Variants in ENO4 observed in about 807,000 individuals in gnomAD.
ENO4 encodes the protein 2-phospho-D-glycerate hydro-lyase.
Under a neutral mutation model 63.2 loss-of-function variants are expected in ENO4, and 53 were observed. The observed-to-expected ratio is 0.84, with a 90% CI of 0.67 to 1.05. The LOEUF (loss-of-function observed/expected upper bound fraction) is 1.05, where lower values mean the gene tolerates loss of function less well. Among genes scored for constraint, ENO4 ranks in the 50% least tolerant of loss-of-function variants. The pLI, the probability that ENO4 is intolerant of heterozygous loss-of-function variation, is 0.00. For synonymous variants in ENO4, 266 were observed against 283.8 expected, an observed-to-expected ratio of 0.94 and a Z score of 0.63; for missense variants, 719 against 772.0, an observed-to-expected ratio of 0.93 and a Z score of 0.81.
At chr10:116,863,811 C>T (rs9421249) in intron 7 of ENO4, among the ~76,000 whole-genome samples, 47,865 of 152,102 alleles carry the variant, frequency 0.31, 8,010 homozygotes, top group African/African-American at 0.42. Flanking sequence ...AGAATTGCTT[C>T]AAGCAATTCC....
At chr10:116,880,691 CTA>C (rs1350341306) in intron 13 of ENO4, among the ~76,000 whole-genome samples, 2 of 152,120 alleles carry the variant, frequency 1.3e-5, no homozygotes, top group Non-Finnish European at 2.9e-5. Context: ...AATTGGGAGA[CTA>C]TTTCTGAGTC....
intron 11 of ENO4, among the ~76,000 whole-genome samples, chr10:116,876,966 T>TA (rs1285690223): frequency 6.6e-6 from 1 of 151,844 alleles, no homozygotes; most frequent in Non-Finnish European, 1.5e-5. Context: ...ATTAATTAAT[T>TA]AATTAATTAA....
At chr10:116,880,769 A>T (rs192797366) in intron 13 of ENO4, among the ~76,000 whole-genome samples, 2 of 152,296 alleles carry the variant, frequency 1.3e-5, no homozygotes, top group East Asian at 3.9e-4. Context: ...GTTTTTTCAA[A>T]TAGGTAAAAT....
chr10:116,871,362 AAAG>A (rs950698635), intron 9 of ENO4, 70 bp downstream of exon 9: 9 of 1,312,676 alleles, frequency 6.9e-6, no homozygotes, highest in Non-Finnish European at 9.3e-6. Flanking sequence ...CTCAGAAAAA[AAAG>A]AGCTTATCTG....
chr10:116,852,086 G>C (rs1846106499), intron 1 of ENO4, among the ~76,000 whole-genome samples: 2 of 152,096 alleles, frequency 1.3e-5, no homozygotes, highest in Admixed American at 1.3e-4. Flanking sequence ...CTGTTCTCGT[G>C]ATAGTGACTT....
Position 116,911,731 on chromosome 10 carries a change from T to C in ENO4, c.*159T>C, listed in dbSNP as rs916264746. 5.7e-6 allele frequency: 9 copies of C among 1,576,750 alleles called. No homozygotes were observed. The African/African-American group carries it at 1.1e-4, about 19-fold the overall frequency. On this transcript the variant is annotated 3_prime_UTR_variant, in exon 11 of 11. Coordinates refer to the ENO4 transcript ENST00000369207. ...CAAACAATTCACAAAAAACAGATTT[T>C]AAAATACTCTCCTTTCATTTCCCCA...
intron 10 of ENO4, among the ~76,000 whole-genome samples, chr10:116,904,437 C>CTTTTTT (rs779336840): frequency 6.9e-6 from 1 of 144,810 alleles, no homozygotes; most frequent in Non-Finnish European, 1.5e-5. Flanking sequence ...TGTTTCCTTC[C>CTTTTTT]TTTTTTTTTT....
In ENO4 at chr10:116,862,854, T is replaced by C. The variant is rs769185087; in HGVS notation, c.990+2T>C. 39 of 1,539,026 alleles carry C rather than the reference T, an allele frequency of 2.5e-5. No homozygotes were observed. Among genetic ancestry groups the C allele is most frequent in the Non-Finnish European group, 1.2e-5 (14 of 1,136,826 alleles). ...CATATCAACAAAATAATTGAAATGG[T>C]ATGTAAAGAGATTCTATGTTATCTA... On this transcript the variant is annotated splice_donor_variant, in intron 7 of 13. Coordinates refer to ENST00000341276, the MANE Select transcript of ENO4 (RefSeq NM_001242699.2). LOFTEE classifies it high-confidence loss of function.
chr10:116,889,534 A>G (rs2133300202), intron 10 of ENO4, among the ~76,000 whole-genome samples: 1 of 152,258 alleles, frequency 6.6e-6, no homozygotes, highest in East Asian at 1.9e-4. Flanking sequence ...GAAAGGGACT[A>G]GGGCAATCGT....
intron 7 of ENO4, among the ~76,000 whole-genome samples, chr10:116,866,980 T>C (rs528735136): frequency 2.0e-5 from 3 of 152,302 alleles, no homozygotes; most frequent in South Asian, 4.1e-4. Context: ...TAAGTCTTAA[T>C]TTAAATCTAT....
chr10:116,875,190 G>A lies in ENO4; in HGVS notation c.1342-875G>A, dbSNP rs1352585371. 9.9e-5 allele frequency among the ~76,000 whole-genome samples: 15 copies of A among 152,086 alleles called. No individual in the cohort carries two copies. The East Asian group carries it at 2.9e-3, about 29-fold the overall frequency. Reference sequence around the variant, plus strand: ...GAGATAATACAACTATTTCAATTTGGAGGACGATATAAATGCTGGTCCTGA... The same window carrying A: ...GAGATAATACAACTATTTCAATTTGAAGGACGATATAAATGCTGGTCCTGA... On this transcript the variant is annotated intron_variant, in intron 10 of 13. Transcript: ENST00000341276.
intron 10 of ENO4, among the ~76,000 whole-genome samples, chr10:116,895,913 C>T (rs1039849455): frequency 1.3e-5 from 2 of 152,100 alleles, no homozygotes; most frequent in East Asian, 1.9e-4. Flanking sequence ...TAAACAAAAG[C>T]ACCTTGCTTA....
chr10:116,862,745 T>G (rs745997150), intron 6 of ENO4, 54 bp from the exon 7 acceptor site: 41 of 1,358,126 alleles, frequency 3.0e-5, no homozygotes, highest in Non-Finnish European at 4.0e-5. Flanking sequence ...TAAGTTTTTA[T>G]ACTTAAATTT....
At chr10:116,868,380 G>A (rs1171878231) in intron 7 of ENO4, among the ~76,000 whole-genome samples, 1 of 152,190 alleles carries the variant, frequency 6.6e-6, no homozygotes, top group East Asian at 1.9e-4. Context: ...GCATGAATCT[G>A]TACACACACC....
intron 1 of ENO4, among the ~76,000 whole-genome samples, chr10:116,853,314 A>C (rs1276744737): frequency 6.6e-6 from 1 of 150,716 alleles, no homozygotes; most frequent in African/African-American, 2.5e-5. Flanking sequence ...AAAAAAAAAA[A>C]CCAAAGCAGT....
chr10:116,886,257 A>C (rs1847159035), downstream of ENO4: 1 of 1,522,984 alleles, frequency 6.6e-7, no homozygotes. Context: ...CCAGAGCAGA[A>C]TGTCTACAGC....
chr10:116,875,200 T>C lies in ENO4; in HGVS notation c.1342-865T>C, dbSNP rs191294786. On this transcript the variant is annotated intron_variant, in intron 10 of 13. Transcript: ENST00000341276. The stretch of plus-strand genomic sequence containing the variant: ...AACTATTTCAATTTGGAGGACGATA[T>C]AAATGCTGGTCCTGATGTGGAGTCC... Among the ~76,000 whole-genome samples the C allele has an allele frequency of 1.7e-4, 26 of 152,310 alleles. No individual in the cohort carries two copies. In the East Asian group the frequency reaches 2.7e-3, roughly 16 times the overall value.
intron 6 of ENO4, 31 bp downstream of exon 6, chr10:116,861,221 T>TAAA (rs56177931): frequency 7.4e-5 from 22 of 295,834 alleles, no homozygotes; most frequent in African/African-American, 2.1e-4. Flanking sequence ...TTACCTTTTC[T>TAAA]AAAAAAAAAA....
Position 116,906,170 on chromosome 10 carries a change from G to C in ENO4, c.1195-5329G>C, listed in dbSNP as rs558575206. On this transcript the variant is annotated intron_variant, in intron 10 of 10. Transcript: ENST00000369207. ...TTTTCACTTACTGACTTAATCTTTAGAATTATCCTATGAAGCAGTGCTTTT... is the reference window on the plus strand; with the variant it reads ...TTTTCACTTACTGACTTAATCTTTACAATTATCCTATGAAGCAGTGCTTTT... Among the ~76,000 whole-genome samples, 3 of 152,342 alleles carry C rather than the reference G, an allele frequency of 2.0e-5. No individual in the cohort carries two copies. The East Asian group carries it at 5.8e-4, about 29-fold the overall frequency.
Sources: allele counts gnomAD v4.1 joint callset (sites outside exome capture counted in the v4.1 genomes callset), GRCh38; gene constraint gnomAD v4.1.1; transcripts MANE v1.5; gene names NCBI Gene and HGNC (gene_info 2026-07-23, HGNC 2026-07-21).